Variants in PLEKHA1 observed in about 807,000 individuals in gnomAD.
PLEKHA1 encodes the protein pleckstrin homology domain-containing family A member 1.
A neutral mutation model predicts 52.0 loss-of-function variants in PLEKHA1; 34 were observed. That is an observed-to-expected ratio of 0.65 (90% CI 0.50 to 0.87). The LOEUF is 0.87. PLEKHA1 is among the 40% of genes least tolerant of loss of function. PLEKHA1 has a pLI of 0.00. For synonymous variants in PLEKHA1, 163 were observed against 170.7 expected, an observed-to-expected ratio of 0.95 and a Z score of 0.35; for missense variants, 497 against 504.2, an observed-to-expected ratio of 0.99 and a Z score of 0.14.
chr10:122,417,800 G>A, intron 7 of PLEKHA1, 100 bp from the exon 8 acceptor site: 2 of 812,810 alleles, frequency 2.5e-6, no homozygotes, highest in Admixed American at 2.0e-5. Flanking sequence ...TTCACTGCTT[G>A]GCATGTCTGA....
At chr10:122,381,634 A>G (rs1212215971) in intron 1 of PLEKHA1, among the ~76,000 whole-genome samples, 1 of 152,168 alleles carries the variant, frequency 6.6e-6, no homozygotes, top group African/African-American at 2.4e-5. Context: ...ACTGTGAGCT[A>G]ATTAAACCTC....
intron 1 of PLEKHA1, among the ~76,000 whole-genome samples, chr10:122,377,973 G>C (rs1256739550): frequency 6.6e-6 from 1 of 152,116 alleles, no homozygotes; most frequent in Non-Finnish European, 1.5e-5. Flanking sequence ...GCAAAATATT[G>C]TTTCCTACAT....
chr10:122,401,996 GTTACATGT>G (rs533040226), intron 4 of PLEKHA1, among the ~76,000 whole-genome samples: 5 of 152,240 alleles, frequency 3.3e-5, no homozygotes, highest in African/African-American at 1.2e-4. Flanking sequence ...ATTTTTAAAA[GTTACATGT>G]TTATTACTAA....
chr10:122,378,812 A>G (rs554342034), intron 1 of PLEKHA1, among the ~76,000 whole-genome samples: 2 of 151,312 alleles, frequency 1.3e-5, no homozygotes, highest in South Asian at 2.1e-4. Flanking sequence ...TCAATCTCAT[A>G]TATATTCAAT....
At chr10:122,380,187 C>T (rs753911521) in intron 1 of PLEKHA1, among the ~76,000 whole-genome samples, 13 of 152,180 alleles carry the variant, frequency 8.5e-5, no homozygotes, top group East Asian at 3.8e-4. Flanking sequence ...GGAAACTTAA[C>T]GTTAATCTTT....
chr10:122,388,190 C>A (rs1389845346), intron 1 of PLEKHA1, among the ~76,000 whole-genome samples: 1 of 152,220 alleles, frequency 6.6e-6, no homozygotes, highest in Non-Finnish European at 1.5e-5. Context: ...CCTCTGGCAA[C>A]CACCAATCTA....
At chr10:122,379,205 G>A (rs940491193) in intron 1 of PLEKHA1, among the ~76,000 whole-genome samples, 2 of 152,114 alleles carry the variant, frequency 1.3e-5, no homozygotes, top group Non-Finnish European at 2.9e-5. Flanking sequence ...CACTGGTTAC[G>A]TGAATGTGTG....
chr10:122,388,636 A>G (rs11200605), intron 1 of PLEKHA1, among the ~76,000 whole-genome samples: 150,475 of 152,346 alleles, frequency 0.99, 74,397 homozygotes, highest in Middle Eastern at 1. Context: ...CCTATTAAGT[A>G]TGCTATAGCA....
intron 3 of PLEKHA1, among the ~76,000 whole-genome samples, 192 bp downstream of exon 3, chr10:122,398,166 A>G (rs1481178491): frequency 3.9e-5 from 6 of 152,108 alleles, no homozygotes; most frequent in African/African-American, 1.2e-4. Flanking sequence ...TATGATTTTA[A>G]CTTACAGGAT....
the PLEKHA1 span, chr10:122,440,356 G>A: frequency 6.6e-6 from 1 of 152,182 alleles, no homozygotes; most frequent in Non-Finnish European, 1.5e-5. Context: ...CTCACACAGT[G>A]CTTCTGTGTA....
At chr10:122,398,821 TTTATATTAGTA>T (rs1467550807) in intron 3 of PLEKHA1, among the ~76,000 whole-genome samples, 3 of 152,102 alleles carry the variant, frequency 2.0e-5, no homozygotes, top group Non-Finnish European at 4.4e-5. Flanking sequence ...AATAAAATAC[TTTATATTAGTA>T]TTACAGTAGA....
At chr10:122,379,413 C>G (rs1170117272) in intron 1 of PLEKHA1, among the ~76,000 whole-genome samples, 1 of 151,814 alleles carries the variant, frequency 6.6e-6, no homozygotes, top group Non-Finnish European at 1.5e-5. Flanking sequence ...TCTTTGTCCC[C>G]CTTTTCAAGT....
rs1290482344 is a variant in PLEKHA1, at chr10:122,431,519, ACT to A, written c.*1582_*1583del. The A allele has an allele frequency of 1.3e-5, 2 of 152,570 alleles. No homozygotes were observed. The highest frequency in any genetic ancestry group is 2.1e-4 in the South Asian group (1 of 4,832). The allele number at this position is 152,570 out of a possible 1,614,324, so 9.5% of individuals were successfully genotyped here. ...TTTTTATATTTTGCCATTTTACAGTACTGTTTTGTTTTGAATTCATGCATATC... is the reference window on the plus strand; with the variant it reads ...TTTTTATATTTTGCCATTTTACAGTAGTTTTGTTTTGAATTCATGCATATC... On this transcript the variant is annotated 3_prime_UTR_variant, in exon 12 of 12. Coordinates refer to ENST00000368990, the MANE Select transcript of PLEKHA1 (RefSeq NM_001001974.4).
In PLEKHA1 at chr10:122,415,897, A is replaced by C; in HGVS notation, c.507A>C (p.Arg169Ser). 6.2e-7 allele frequency: 1 copy of C among 1,613,024 alleles called. No individual in the cohort carries two copies. The highest frequency in any genetic ancestry group is 8.5e-7 in the Non-Finnish European group (1 of 1,179,198). The part of the protein sequence containing the change: ...EVNECGESID[R>S]NNLKRSQSHL... ...ATGAATGTGGTGAAAGTATTGACAG[A>C]AATAATCTGAAACGGTCACAAAGCC... is the stretch of plus-strand genomic sequence containing the variant. Residue 169 changes from arginine to serine, a missense_variant, in exon 7 of 12, where the codon AGA becomes AGC. Physicochemically the swap from Arg to Ser is moderately radical, Grantham distance 110. Coordinates refer to ENST00000368990, the MANE Select transcript of PLEKHA1 (RefSeq NM_001001974.4).
intron 8 of PLEKHA1, chr10:122,422,428 A>G (rs1332936069): frequency 6.6e-6 from 1 of 152,268 alleles, no homozygotes; most frequent in East Asian, 1.9e-4. Context: ...TTAACACACC[A>G]GTGACAGGAC....
At chr10:122,408,987 A>G (rs929895865) in intron 5 of PLEKHA1, among the ~76,000 whole-genome samples, 6 of 152,118 alleles carry the variant, frequency 3.9e-5, no homozygotes, top group African/African-American at 1.4e-4. Flanking sequence ...TAGAGTTTGG[A>G]AGTGTGTGGT....
chr10:122,429,630 C>A lies in PLEKHA1; in HGVS notation c.907C>A (p.Pro303Thr), dbSNP rs150105161. 6.2e-6 allele frequency: 10 copies of A among 1,611,570 alleles called. No homozygotes were observed. The highest frequency in any genetic ancestry group is 7.6e-6 in the Non-Finnish European group (9 of 1,178,384). ...GPGRSASSEHPPGPSESKHAF... is the reference protein window; with the variant it reads ...GPGRSASSEHTPGPSESKHAF... ...CTGCCACTCCTTTTTGCAGGAGCAT[C>A]CCCCCGGTCCTTCAGAATCCAAACA... The change falls in exon 12 of 12, where the codon CCC becomes ACC. Residue 303 changes from proline (P) to threonine (T), a missense_variant. By Grantham distance (38) the Pro-to-Thr change is conservative. Transcript: ENST00000368990.
intron 3 of PLEKHA1, among the ~76,000 whole-genome samples, chr10:122,399,149 C>G (rs891808177): frequency 6.6e-6 from 1 of 151,962 alleles, no homozygotes. Flanking sequence ...GGACGTACCA[C>G]TTTTTTTCCA....
At chr10:122,381,868 A>AC (rs1050209168) in intron 1 of PLEKHA1, among the ~76,000 whole-genome samples, 19 of 152,174 alleles carry the variant, frequency 1.2e-4, no homozygotes, top group African/African-American at 4.1e-4. Context: ...GATAAGTGGA[A>AC]CCGTAGAATA....
Sources: allele counts gnomAD v4.1 joint callset (sites outside exome capture counted in the v4.1 genomes callset), GRCh38; gene constraint gnomAD v4.1.1; transcripts MANE v1.5; gene names NCBI Gene and HGNC (gene_info 2026-07-23, HGNC 2026-07-21).